The following DAAM1 variants were observed in gnomAD, a reference collection of about 807,000 sequenced individuals.
DAAM1 encodes the protein disheveled-associated activator of morphogenesis 1.
Under a neutral mutation model 130.0 loss-of-function variants are expected in DAAM1, and 52 were observed. The observed-to-expected ratio is 0.40, with a 90% CI of 0.32 to 0.50. The LOEUF (loss-of-function observed/expected upper bound fraction) is 0.50. DAAM1 is among the 20% of genes least tolerant of loss of function. DAAM1 has a pLI of 0.61. For synonymous variants in DAAM1, 452 were observed against 444.5 expected, an observed-to-expected ratio of 1.02 and a Z score of -0.21; for missense variants, 1,134 against 1,303.8, an observed-to-expected ratio of 0.87 and a Z score of 2.01.
intron 2 of DAAM1, chr14:59,264,899 C>T (rs150500421): frequency 6.6e-6 from 1 of 152,274 alleles, no homozygotes; most frequent in Non-Finnish European, 1.5e-5. Flanking sequence ...TCAGCTCCCA[C>T]TTATTAGTGA....
At chr14:59,339,605 G>A (rs1000710920) in intron 15 of DAAM1, among the ~76,000 whole-genome samples, 3 of 152,190 alleles carry the variant, frequency 2.0e-5, no homozygotes, top group African/African-American at 7.2e-5. Context: ...ACATGAAGAT[G>A]TTTGGGAGGT....
At chr14:59,288,982 T>C (rs1284099571) in intron 2 of DAAM1, among the ~76,000 whole-genome samples, 1 of 152,086 alleles carries the variant, frequency 6.6e-6, no homozygotes, top group Non-Finnish European at 1.5e-5. Context: ...AGTGGCACAA[T>C]CTCCGCTCAC....
intron 1 of DAAM1, among the ~76,000 whole-genome samples, chr14:59,208,425 A>G (rs1027024722): frequency 5.9e-5 from 9 of 152,098 alleles, no homozygotes; most frequent in African/African-American, 9.7e-5. Context: ...CTTTCAGCCA[A>G]TCATCTGAGG....
chr14:59,268,329 A>G (rs1272427876), intron 2 of DAAM1, among the ~76,000 whole-genome samples: 1 of 152,218 alleles, frequency 6.6e-6, no homozygotes, highest in Admixed American at 6.5e-5. Flanking sequence ...TTGCATAGAT[A>G]TATGTTTTAA....
At chr14:59,239,152 A>C (rs1194362953) in intron 1 of DAAM1, among the ~76,000 whole-genome samples, 1 of 152,248 alleles carries the variant, frequency 6.6e-6, no homozygotes, top group Non-Finnish European at 1.5e-5. Context: ...TGCACACAAA[A>C]GTACTTAGAA....
Position 59,198,954 on chromosome 14 carries a change from A to C in DAAM1, c.-38+10186A>C, listed in dbSNP as rs543916199. 2.0e-5 allele frequency among the ~76,000 whole-genome samples: 3 copies of C among 152,368 alleles called. No homozygotes were observed. The South Asian group carries it at 6.2e-4, about 32-fold the overall frequency. ...GGATAAAAATTCTAAATTTTTGGGA[A>C]GACAGTATCCTCTTAAAATAATGAC... On this transcript the variant is annotated intron_variant, in intron 1 of 24. Transcript: ENST00000360909.
chr14:59,205,646 T>G (rs979297679), intron 1 of DAAM1, among the ~76,000 whole-genome samples: 1 of 152,234 alleles, frequency 6.6e-6, no homozygotes, highest in African/African-American at 2.4e-5. Context: ...AAGACAGGTC[T>G]TTTGTCCTTA....
At position 59,250,876 on chromosome 14, in the gene DAAM1, T is replaced by C. The variant is rs142643884; in HGVS notation, c.-37-12565T>C. On this transcript the variant is annotated intron_variant, in intron 1 of 24. Transcript: ENST00000360909. The stretch of plus-strand genomic sequence containing the variant: ...GCTACATGTATATTGTTATAAACCT[T>C]TCTTTCTTCTCTGTCTTTTATTCTG... Among the ~76,000 whole-genome samples, 687 of 146,254 alleles carry C rather than the reference T, an allele frequency of 4.7e-3. 2 individuals are homozygous for C. The highest frequency in any genetic ancestry group is 0.018 in the Middle Eastern group (5 of 282).
intron 4 of DAAM1, among the ~76,000 whole-genome samples, chr14:59,318,494 T>A (rs1220588475): frequency 6.6e-6 from 1 of 150,482 alleles, no homozygotes; most frequent in Non-Finnish European, 1.5e-5. Flanking sequence ...ATACTAGATA[T>A]TTGGCATAGT....
At chr14:59,234,063 A>C (rs1252255775) in intron 1 of DAAM1, among the ~76,000 whole-genome samples, 2 of 152,160 alleles carry the variant, frequency 1.3e-5, no homozygotes, top group African/African-American at 4.8e-5. Context: ...GTCAGGTAGC[A>C]TGATGCCTCC....
At chr14:59,260,014 A>C (rs913740300) in intron 1 of DAAM1, among the ~76,000 whole-genome samples, 3 of 152,310 alleles carry the variant, frequency 2.0e-5, no homozygotes, top group Non-Finnish European at 4.4e-5. Context: ...ACTGCACTCT[A>C]GCCTGGGCAA....
intron 1 of DAAM1, among the ~76,000 whole-genome samples, chr14:59,256,216 T>C (rs1158591868): frequency 6.6e-6 from 1 of 152,230 alleles, no homozygotes; most frequent in Non-Finnish European, 1.5e-5. Flanking sequence ...ACTTATCACA[T>C]ATATTGTGAC....
chr14:59,324,556 TA>T (rs1566703975), intron 8 of DAAM1, 102 bp downstream of exon 8: 1 of 579,790 alleles, frequency 1.7e-6, no homozygotes, highest in Non-Finnish European at 2.7e-6. Context: ...GCCCTGTCTG[TA>T]ACATAAAGAG....
chr14:59,249,741 A>G (rs1881548560), intron 1 of DAAM1, among the ~76,000 whole-genome samples: 1 of 152,196 alleles, frequency 6.6e-6, no homozygotes, highest in Non-Finnish European at 1.5e-5. Context: ...GAGGACCCCA[A>G]ACATTTTACC....
intron 20 of DAAM1, among the ~76,000 whole-genome samples, chr14:59,358,983 T>C (rs1196241721): frequency 2.6e-5 from 4 of 152,162 alleles, no homozygotes; most frequent in Admixed American, 2.6e-4. Flanking sequence ...CTACTAGTTA[T>C]AAACCTGCAG....
chr14:59,278,577 A>G (rs753933178), intron 2 of DAAM1, among the ~76,000 whole-genome samples: 1 of 152,196 alleles, frequency 6.6e-6, no homozygotes, highest in Non-Finnish European at 1.5e-5. Context: ...ATAAGAGGAC[A>G]CTACTATACT....
chr14:59,268,588 C>T (rs866040232), intron 2 of DAAM1, among the ~76,000 whole-genome samples: 28 of 152,264 alleles, frequency 1.8e-4, no homozygotes, highest in Middle Eastern at 6.8e-3. Context: ...CAAAATAACT[C>T]GGGAATTGTG....
intron 1 of DAAM1, among the ~76,000 whole-genome samples, chr14:59,229,653 A>G (rs1419439687): frequency 6.6e-6 from 1 of 152,194 alleles, no homozygotes; most frequent in Non-Finnish European, 1.5e-5. Context: ...GAGATGGCCA[A>G]CAGTGGAGTT....
At position 59,369,151 on chromosome 14, in the gene DAAM1, C is replaced by T. The variant is rs1291169029; in HGVS notation, c.*292C>T. 1.5e-5 allele frequency: 4 copies of T among 268,870 alleles called. No homozygotes were observed. Among genetic ancestry groups the T allele is most frequent in the South Asian group, 6.4e-5 (1 of 15,626 alleles). 16.7% of individuals were successfully genotyped at this position (268,870 alleles called of 1,614,324 possible). On this transcript the variant is annotated 3_prime_UTR_variant, in exon 25 of 25. Transcript: ENST00000360909. Reference sequence around the variant, plus strand: ...TTGAGTGTGGCTCATTTTCTTTCCCCGAACGCCATGACTGTTCAGAAGCAC... The same window carrying T: ...TTGAGTGTGGCTCATTTTCTTTCCCTGAACGCCATGACTGTTCAGAAGCAC...
Sources: gnomAD v4.1 joint callset for allele counts (sites outside exome capture counted in the v4.1 genomes callset) on GRCh38, gnomAD v4.1.1 for gene constraint, MANE v1.5 for transcripts, NCBI Gene and HGNC (gene_info 2026-07-23, HGNC 2026-07-21) for gene names.